R3HDM1: variants seen among roughly 807,000 people sequenced by gnomAD.
The protein encoded by R3HDM1 is R3H domain containing 1.
In R3HDM1, 46 loss-of-function variants were observed where a neutral mutation model predicts 141.1. The observed-to-expected ratio is 0.33, with a 90% CI of 0.26 to 0.42. R3HDM1 has a LOEUF of 0.42. Among genes scored for constraint, R3HDM1 ranks in the 10% least tolerant of loss-of-function variants. R3HDM1 has a pLI of 1.00. For synonymous variants in R3HDM1, 435 were observed against 472.9 expected (o/e 0.92, Z 1.04); for missense variants, 1,184 against 1,368.3 (o/e 0.87, Z 2.12).
chr2:135,559,172 C>T, intron 1 of R3HDM1: 3 of 458,986 alleles, frequency 6.5e-6, no homozygotes, highest in Non-Finnish European at 8.6e-6. Flanking sequence ...AGTGCAGTGG[C>T]ATGATCACGA....
intron 1 of R3HDM1, chr2:135,583,729 G>A (rs1265006219): frequency 2.0e-6 from 2 of 984,466 alleles, no homozygotes; most frequent in African/African-American, 1.7e-5. Context: ...AGAGGATTAG[G>A]TTCAAATGTT....
At chr2:135,609,689 C>T (rs966205917) in intron 3 of R3HDM1, among the ~76,000 whole-genome samples, 3 of 152,108 alleles carry the variant, frequency 2.0e-5, no homozygotes, top group African/African-American at 7.2e-5. Flanking sequence ...CTGTGTATAA[C>T]TCACCGATGG....
At chr2:135,560,454 C>T (rs1471431448) in intron 1 of R3HDM1, among the ~76,000 whole-genome samples, 9 of 152,168 alleles carry the variant, frequency 5.9e-5, no homozygotes, top group Non-Finnish European at 1.5e-5. Flanking sequence ...GCTGGGACTA[C>T]AGGCATGCAC....
chr2:135,601,988 G>C (rs2059657861), intron 1 of R3HDM1, among the ~76,000 whole-genome samples: 1 of 135,064 alleles, frequency 7.4e-6, no homozygotes, highest in South Asian at 2.4e-4. Context: ...TTTTTTTTTA[G>C]AACAGACAAT....
intron 1 of R3HDM1, among the ~76,000 whole-genome samples, chr2:135,563,058 G>T (rs1573836915): frequency 6.6e-6 from 1 of 152,132 alleles, no homozygotes; most frequent in South Asian, 2.1e-4. Context: ...ACCATTTTTG[G>T]CAATGATTGG....
At chr2:135,574,563 C>T (rs1704938872) in intron 1 of R3HDM1, among the ~76,000 whole-genome samples, 1 of 152,150 alleles carries the variant, frequency 6.6e-6, no homozygotes, top group African/African-American at 2.4e-5. Context: ...AAATCAGCAT[C>T]CCATAAGAAT....
chr2:135,620,510 A>G (rs187330914), intron 5 of R3HDM1: 1 of 984,188 alleles, frequency 1.0e-6, no homozygotes, highest in African/African-American at 1.7e-5. Flanking sequence ...CTATATTATG[A>G]ACACAAATTT....
chr2:135,624,457 T>C (rs1320606232), intron 7 of R3HDM1, among the ~76,000 whole-genome samples: 2 of 149,532 alleles, frequency 1.3e-5, no homozygotes, highest in East Asian at 4.0e-4. Context: ...GCATAGGCCA[T>C]ATCCAACTAT....
At chr2:135,685,338 GA>G (rs2071147647) in intron 21 of R3HDM1, among the ~76,000 whole-genome samples, 1 of 151,974 alleles carries the variant, frequency 6.6e-6, no homozygotes, top group Non-Finnish European at 1.5e-5. Flanking sequence ...TACTAACACA[GA>G]TATGGTACGG....
At chr2:135,600,129 G>A (rs1366599227) in intron 1 of R3HDM1, among the ~76,000 whole-genome samples, 5 of 13,756 alleles carry the variant, frequency 3.6e-4, no homozygotes, top group Non-Finnish European at 7.8e-4. Flanking sequence ...TTTTTTTTTT[G>A]TAGAGATAGG....
chr2:135,558,582 T>C (rs1701206739), intron 1 of R3HDM1, among the ~76,000 whole-genome samples: 1 of 152,232 alleles, frequency 6.6e-6, no homozygotes, highest in African/African-American at 2.4e-5. Context: ...TAGTCTTTAT[T>C]GTCATTGTTA....
intron 7 of R3HDM1, among the ~76,000 whole-genome samples, chr2:135,624,757 T>C (rs2061840835): frequency 6.6e-6 from 1 of 152,144 alleles, no homozygotes; most frequent in South Asian, 2.1e-4. Context: ...AGAAAGATTA[T>C]TTTGGCAGAG....
intron 19 of R3HDM1, 28 bp from the exon 20 acceptor site, chr2:135,675,304 C>T: frequency 6.4e-7 from 1 of 1,570,270 alleles, no homozygotes; most frequent in Non-Finnish European, 8.7e-7. Context: ...GAATTCAGAG[C>T]AGGATTTAAC....
intron 3 of R3HDM1, among the ~76,000 whole-genome samples, chr2:135,614,585 A>G (rs1031105545): frequency 6.6e-6 from 1 of 152,254 alleles, no homozygotes; most frequent in Non-Finnish European, 1.5e-5. Flanking sequence ...AGCAAATTCA[A>G]AAATTTAAGT....
chr2:135,597,995 G>A (rs936366032), intron 1 of R3HDM1, among the ~76,000 whole-genome samples: 4 of 152,076 alleles, frequency 2.6e-5, no homozygotes, highest in African/African-American at 9.7e-5. Context: ...TGTCAGTATT[G>A]CATTTTTGTT....
At chr2:135,659,262 A>C (rs2066363882) in intron 18 of R3HDM1, among the ~76,000 whole-genome samples, 1 of 151,460 alleles carries the variant, frequency 6.6e-6, no homozygotes, top group African/African-American at 2.4e-5. Context: ...ACACCTGGCT[A>C]ATTTTTGTAT....
Position 135,675,480 on chromosome 2 carries a change from A to T in R3HDM1, c.2301A>T (p.Thr767=), listed in dbSNP as rs555956576. The T allele has an allele frequency of 6.2e-7, 1 of 1,612,360 alleles. No homozygotes were observed. Among genetic ancestry groups the T allele is most frequent in the African/African-American group, 1.3e-5 (1 of 75,020 alleles). ...GVVIPYTSVP[T]YQVSLPQGSQ... ...TCATCCCCTATACTTCAGTGCCAAC[A>T]TATCAGGTATATTGTCTCTTTTATG... The change falls in exon 20 of 27, where the codon ACA becomes ACT. Residue 767 remains threonine (T), a synonymous_variant. Transcript: ENST00000683871.
At position 135,699,048 on chromosome 2, in the gene R3HDM1, A is replaced by ATAGAT. The variant is rs1559466478; in HGVS notation, c.2460-10384_2460-10380dup. On this transcript the variant is annotated intron_variant, in intron 21 of 26. Transcript: ENST00000683871. Reference sequence around the variant, plus strand: ...ATAGATAGATAGATAGATAGATAAGATAGATAAGATAGATTGATTAGATAG... The same window carrying ATAGAT: ...ATAGATAGATAGATAGATAGATAAGATAGATTAGATAAGATAGATTGATTAGATAG... Among the ~76,000 whole-genome samples, 98 of 130,502 alleles carry ATAGAT rather than the reference A, an allele frequency of 7.5e-4. 3 individuals are homozygous for ATAGAT. The highest frequency in any genetic ancestry group is 2.8e-3 in the African/African-American group (88 of 31,118). 85.6% of individuals were successfully genotyped at this position (130,502 alleles called of 152,430 possible). A position where few individuals can be genotyped will look rare whatever the true frequency, so the allele number is the denominator to read the frequency against.
intron 17 of R3HDM1, chr2:135,651,051 C>G: frequency 5.1e-6 from 5 of 985,342 alleles, no homozygotes; most frequent in Non-Finnish European, 6.0e-6. Context: ...GCACATAAAT[C>G]ATAACCCTTG....
Sources: allele counts gnomAD v4.1 joint callset (sites outside exome capture counted in the v4.1 genomes callset), GRCh38; gene constraint gnomAD v4.1.1; transcripts MANE v1.5; gene names NCBI Gene and HGNC (gene_info 2026-07-23, HGNC 2026-07-21).